Variants in ZMPSTE24 observed in about 807,000 individuals in gnomAD.
ZMPSTE24 encodes CAAX prenyl protease 1 homolog.
In ZMPSTE24, 48 loss-of-function variants were observed where a neutral mutation model predicts 56.7. The observed-to-expected ratio is 0.85, with a 90% CI of 0.67 to 1.08. ZMPSTE24 has a LOEUF of 1.08. Ranked by LOEUF, ZMPSTE24 falls within the 50% of genes least tolerant of loss-of-function variation. The pLI, the probability that ZMPSTE24 is intolerant of heterozygous loss-of-function variation, is 0.00. For missense variants in ZMPSTE24, 503 were observed against 548.7 expected, an observed-to-expected ratio of 0.92 and a Z score of 0.83; for synonymous variants, 172 against 195.2, an observed-to-expected ratio of 0.88 and a Z score of 0.99.
chr1:40,287,910 C>T (rs1404945351), intron 8 of ZMPSTE24, among the ~76,000 whole-genome samples: 2 of 151,950 alleles, frequency 1.3e-5, no homozygotes, highest in Non-Finnish European at 2.9e-5. Context: ...GGCATGGTGG[C>T]TCATGCCTGT....
chr1:40,283,827 A>T (rs1221102235), intron 7 of ZMPSTE24, among the ~76,000 whole-genome samples: 1 of 151,894 alleles, frequency 6.6e-6, no homozygotes, highest in Non-Finnish European at 1.5e-5. Context: ...TGGATTTGTT[A>T]TACTGAACTC....
At position 40,281,502 on chromosome 1, in the gene ZMPSTE24, G is replaced by GT; in HGVS notation, c.930dup (p.Glu311Ter). 6.2e-7 allele frequency: 1 copy of GT among 1,614,060 alleles called. No homozygotes were observed. Among genetic ancestry groups the GT allele is most frequent in the Non-Finnish European group, 8.5e-7 (1 of 1,179,978 alleles). On this transcript the variant is annotated frameshift_variant, in exon 7 of 10. Coordinates refer to ENST00000372759, the MANE Select transcript of ZMPSTE24 (RefSeq NM_005857.5). LOFTEE classifies it high-confidence loss of function. Reference sequence around the variant, plus strand: ...CCCCGCAATGAGGAAGAAGGGAACAGTGAAGAAATAAAAGCTAAAGTTAAA... The same window carrying GT: ...CCCCGCAATGAGGAAGAAGGGAACAGTTGAAGAAATAAAAGCTAAAGTTAAA...
chr1:40,286,104 A>C, intron 8 of ZMPSTE24, 75 bp downstream of exon 8: 1 of 1,330,618 alleles, frequency 7.5e-7, no homozygotes, highest in Admixed American at 1.8e-5. Flanking sequence ...GAGAGGTCAT[A>C]TAAGAGAGGC....
At chr1:40,285,859 A>G (rs1011467787) in intron 7 of ZMPSTE24, 66 bp from the exon 8 acceptor site, 18 of 1,293,446 alleles carry the variant, frequency 1.4e-5, no homozygotes, top group Middle Eastern at 2.2e-4. Flanking sequence ...AAGGGCTATT[A>G]CTGGGTTAAA....
At chr1:40,261,093 A>C in intron 2 of ZMPSTE24, 108 bp downstream of exon 2, 1 of 1,382,274 alleles carries the variant, frequency 7.2e-7, no homozygotes, top group East Asian at 2.3e-5. Context: ...ATGCTTTCTT[A>C]ACCTTTGTTA....
chr1:40,287,306 C>T (rs140585118), intron 8 of ZMPSTE24, among the ~76,000 whole-genome samples: 2,668 of 151,380 alleles, frequency 0.018, 36 homozygotes, highest in Middle Eastern at 0.052. Flanking sequence ...TAAGCTCAAG[C>T]GATCCACTCG....
chr1:40,289,285 T>G (rs940185612), intron 8 of ZMPSTE24, among the ~76,000 whole-genome samples: 9 of 152,258 alleles, frequency 5.9e-5, no homozygotes, highest in Non-Finnish European at 2.9e-5. Flanking sequence ...CTAGGCAGAT[T>G]AACAGATTAA....
At chr1:40,286,433 T>G (rs1053841678) in intron 8 of ZMPSTE24, among the ~76,000 whole-genome samples, 1 of 152,156 alleles carries the variant, frequency 6.6e-6, no homozygotes, top group African/African-American at 2.4e-5. Context: ...TAAAAAAATT[T>G]TTTTTGAGAC....
intron 2 of ZMPSTE24, chr1:40,262,657 A>G (rs1453403599): frequency 9.4e-6 from 2 of 211,846 alleles, no homozygotes; most frequent in Non-Finnish European, 1.8e-5. Context: ...AAACATATCC[A>G]AGATCTTAAA....
chr1:40,287,496 G>T (rs1643799373), intron 8 of ZMPSTE24, among the ~76,000 whole-genome samples: 1 of 151,692 alleles, frequency 6.6e-6, no homozygotes, highest in Non-Finnish European at 1.5e-5. Context: ...GGCCAACATG[G>T]TGAAGCCCTA....
At chr1:40,281,570 C>G in intron 7 of ZMPSTE24, 43 bp downstream of exon 7, 1 of 1,583,688 alleles carries the variant, frequency 6.3e-7, no homozygotes, top group Non-Finnish European at 8.6e-7. Flanking sequence ...AGTTTTTATA[C>G]ACAGTTCCTG....
intron 7 of ZMPSTE24, among the ~76,000 whole-genome samples, chr1:40,285,607 GATTT>G (rs1643779393): frequency 6.6e-6 from 1 of 151,998 alleles, no homozygotes; most frequent in Non-Finnish European, 1.5e-5. Flanking sequence ...ACTTTATCAT[GATTT>G]ATTTAACTAT....
rs548420361 is a variant in ZMPSTE24, at chr1:40,273,570, G to A, written c.769+1535G>A. ...TATATATATATATATATATATATAT[G>A]TCAGACATTTAGTGGCTCCTGAGGA... On this transcript the variant is annotated intron_variant, in intron 6 of 9. Coordinates refer to ENST00000372759, the MANE Select transcript of ZMPSTE24 (RefSeq NM_005857.5). 1.8e-3 allele frequency among the ~76,000 whole-genome samples: 112 copies of A among 63,116 alleles called. No individual in the cohort carries two copies. In the South Asian group the frequency reaches 0.044, roughly 25 times the overall value. 41.4% of individuals were successfully genotyped at this position (63,116 alleles called of 152,430 possible).
intron 1 of ZMPSTE24, among the ~76,000 whole-genome samples, chr1:40,258,735 C>G (rs1643464982): frequency 6.6e-6 from 1 of 152,190 alleles, no homozygotes; most frequent in African/African-American, 2.4e-5. Flanking sequence ...TTTAGACACC[C>G]AACTTCCTCA....
chr1:40,289,334 G>T (rs761702063), intron 8 of ZMPSTE24, among the ~76,000 whole-genome samples: 4 of 152,214 alleles, frequency 2.6e-5, no homozygotes, highest in Non-Finnish European at 4.4e-5. Context: ...CAGTTTGCAG[G>T]ATCACAGTAT....
chr1:40,270,084 A>G lies in ZMPSTE24; in HGVS notation c.584A>G (p.Tyr195Cys), dbSNP rs766996332. ...LLYIIKIGGD[Y>C]FFIYAWLFTL... ...TACATTATTAAAATTGGGGGTGACT[A>G]TTTTTTTATTTATGCCTGGCTGTTC... Residue 195 changes from tyrosine to cysteine, a missense_variant, in exon 5 of 10, where the codon TAT becomes TGT. Tyr to Cys is a radical substitution (Grantham distance 194). Transcript: ENST00000372759. The G allele has an allele frequency of 6.2e-6, 10 of 1,613,522 alleles. No homozygotes were observed. Among genetic ancestry groups the G allele is most frequent in the Admixed American group, 3.3e-5 (2 of 59,930 alleles).
At chr1:40,284,948 T>G (rs7556313) in intron 7 of ZMPSTE24, among the ~76,000 whole-genome samples, 32,901 of 139,462 alleles carry the variant, frequency 0.24, 3,473 homozygotes, top group Non-Finnish European at 0.25. Context: ...TTTTTTGAGA[T>G]GGAGTCTCAC....
At chr1:40,290,747 C>T (rs1170312502) in intron 8 of ZMPSTE24, 107 bp from the exon 9 acceptor site, 31 of 1,392,146 alleles carry the variant, frequency 2.2e-5, no homozygotes, top group Non-Finnish European at 2.7e-5. Context: ...CAGGCGTGAG[C>T]CACCGCGCCC....
At chr1:40,266,390 GT>G in intron 2 of ZMPSTE24, among the ~76,000 whole-genome samples, 1 of 152,304 alleles carries the variant, frequency 6.6e-6, no homozygotes, top group East Asian at 1.9e-4. Context: ...AGTTGTATGT[GT>G]TTTGGGCGGT....
Sources: allele counts gnomAD v4.1 joint callset (sites outside exome capture counted in the v4.1 genomes callset), GRCh38; gene constraint gnomAD v4.1.1; transcripts MANE v1.5; gene names NCBI Gene and HGNC (gene_info 2026-07-23, HGNC 2026-07-21).